KIF7: variants seen among roughly 807,000 people sequenced by gnomAD.
The protein encoded by KIF7 is kinesin-like protein KIF7.
In KIF7, 104 loss-of-function variants were observed where a neutral mutation model predicts 135.7. The ratio of observed to expected loss-of-function variants is 0.77; its 90% CI spans 0.65 to 0.90. The LOEUF is 0.90. Among genes scored for constraint, KIF7 ranks in the 40% least tolerant of loss-of-function variants. KIF7 has a pLI of 0.00. For synonymous variants in KIF7, 883 were observed against 809.4 expected (o/e 1.09, Z -1.54); for missense variants, 2,005 against 1,839.1 (o/e 1.09, Z -1.65).
chr15:89,636,018 A>G (rs1963799794), intron 11 of KIF7, among the ~76,000 whole-genome samples: 1 of 152,208 alleles, frequency 6.6e-6, no homozygotes, highest in Non-Finnish European at 1.5e-5. Context: ...AGTGGGGGTC[A>G]ATATTCAACA....
chr15:89,635,153 C>T (rs1235428175), intron 11 of KIF7, among the ~76,000 whole-genome samples: 3 of 152,002 alleles, frequency 2.0e-5, no homozygotes, highest in Non-Finnish European at 4.4e-5. Context: ...ACAGAAAGGA[C>T]ATCCACACCA....
In KIF7 at chr15:89,645,966, T is replaced by C. The variant is rs755299478; in HGVS notation, c.1849A>G (p.Ser617Gly). Residue 617 changes from serine (S) to glycine (G), a missense_variant, in exon 8 of 19, where the codon AGT (serine) becomes GGT (glycine). Coordinates refer to ENST00000394412, the MANE Select transcript of KIF7 (RefSeq NM_198525.3). ...ELLTEVNRLG[S>G]GSSAASEEEE... is the part of the protein sequence containing the mutation. ...TCCTCTGAAGCAGCTGAAGAGCCACTTCCCAGCCTGTTCACCTCAGTCAGC... is the reference window on the plus strand; with the variant it reads ...TCCTCTGAAGCAGCTGAAGAGCCACCTCCCAGCCTGTTCACCTCAGTCAGC... 49 of 1,613,922 alleles carry C rather than the reference T, an allele frequency of 3.0e-5. 2 individuals carry two copies. The South Asian group carries it at 5.4e-4, about 18-fold the overall frequency.
At chr15:89,625,865 C>T, downstream of KIF7, 1 of 1,544,018 alleles carries the variant, frequency 6.5e-7, no homozygotes, top group African/African-American at 1.4e-5. Context: ...TTGGGAGTTG[C>T]TTCTTGGGAG....
chr15:89,624,683 C>A (rs1010084931), downstream of KIF7: 8 of 1,614,006 alleles, frequency 5.0e-6, no homozygotes, highest in African/African-American at 8.0e-5. Flanking sequence ...CTGCTCATTA[C>A]AAGTGACACA....
downstream of KIF7, chr15:89,623,901 G>T: frequency 6.2e-7 from 1 of 1,613,960 alleles, no homozygotes; most frequent in Non-Finnish European, 8.5e-7. Flanking sequence ...GAACTCCTAA[G>T]AGGCAAGGTA....
downstream of KIF7, chr15:89,625,340 C>T (rs781674607): frequency 3.1e-6 from 5 of 1,613,980 alleles, no homozygotes; most frequent in East Asian, 4.5e-5. Context: ...AGTGGGAAGA[C>T]AACTCCAGAC....
downstream of KIF7, chr15:89,624,632 C>G (rs772334123): frequency 2.5e-6 from 4 of 1,613,940 alleles, no homozygotes; most frequent in African/African-American, 5.3e-5. Flanking sequence ...CGGGGCTACC[C>G]AGGCCCTGGT....
downstream of KIF7, chr15:89,626,963 T>C (rs2141988170): frequency 6.2e-7 from 1 of 1,614,054 alleles, no homozygotes; most frequent in Non-Finnish European, 8.5e-7. Flanking sequence ...TAGATGAGGA[T>C]GTGGATGTTC....
intron 16 of KIF7, chr15:89,629,947 C>T (rs1282054962): frequency 1.9e-6 from 1 of 513,604 alleles, no homozygotes. Context: ...TAGTAACATC[C>T]CTGGCCTCCA....
chr15:89,626,906 G>A (rs750644779), downstream of KIF7: 5 of 1,593,520 alleles, frequency 3.1e-6, no homozygotes, highest in East Asian at 1.1e-4. Context: ...ATTTTTTTCA[G>A]TTCGGTCCTC....
At chr15:89,656,318 G>C (rs1964206669), upstream of KIF7, among the ~76,000 whole-genome samples, 1 of 151,724 alleles carries the variant, frequency 6.6e-6, no homozygotes, top group East Asian at 1.9e-4. Context: ...TGGGCAGGTT[G>C]AGTCAGTGGC....
In KIF7 at chr15:89,648,755, C is replaced by G. The variant is rs1954001720; in HGVS notation, c.943G>C (p.Gly315Arg). 1 of 1,535,228 alleles carries G rather than the reference C, an allele frequency of 6.5e-7. No homozygotes were observed. Among genetic ancestry groups the G allele is most frequent in the South Asian group, 1.2e-5 (1 of 84,022 alleles). ...KITRILKDSL[G>R]GNAKTVMIAC... Reference sequence around the variant, plus strand: ...ATCATCACCGTCTTGGCGTTCCCGCCCAGCGAGTCTTTGAGGATCCTGAGG... The same window carrying G: ...ATCATCACCGTCTTGGCGTTCCCGCGCAGCGAGTCTTTGAGGATCCTGAGG... Residue 315 changes from glycine to arginine, a missense_variant, in exon 5 of 19, where the codon GGC becomes CGC. Coordinates refer to ENST00000394412, the MANE Select transcript of KIF7 (RefSeq NM_198525.3).
At chr15:89,658,699 C>CA (rs1373455679), upstream of KIF7, among the ~76,000 whole-genome samples, 5 of 151,244 alleles carry the variant, frequency 3.3e-5, no homozygotes, top group South Asian at 2.1e-4. Flanking sequence ...CCCATCTCTA[C>CA]AAAAAAATGC....
intron 1 of KIF7, among the ~76,000 whole-genome samples, chr15:89,619,416 G>C (rs552904705): frequency 1.3e-5 from 2 of 152,066 alleles, no homozygotes; most frequent in South Asian, 2.1e-4. Context: ...AGTAGAGACA[G>C]GGTTTCACCT....
At position 89,651,355 on chromosome 15, in the gene KIF7, C is replaced by T. The variant is rs1052945454; in HGVS notation, c.328+1248G>A. 4.6e-5 allele frequency among the ~76,000 whole-genome samples: 7 copies of T among 152,298 alleles called. No homozygotes were observed. The East Asian group carries it at 1.4e-3, about 29-fold the overall frequency. On this transcript the variant is annotated intron_variant, in intron 2 of 18. Coordinates refer to ENST00000394412, the MANE Select transcript of KIF7 (RefSeq NM_198525.3). ...CCTCATGATCTGCCCACCTCGGCCT[C>T]CCAAAGTGCTGGGATTACAGGTGTG...
At chr15:89,652,522 C>A in intron 2 of KIF7, 81 bp downstream of exon 2, 1 of 1,093,322 alleles carries the variant, frequency 9.1e-7, no homozygotes. Flanking sequence ...ACAGAACAGG[C>A]AGCAAGAGGA....
intron 11 of KIF7, among the ~76,000 whole-genome samples, chr15:89,641,671 C>T (rs1156931952): frequency 6.6e-6 from 1 of 152,084 alleles, no homozygotes; most frequent in Non-Finnish European, 1.5e-5. Flanking sequence ...CGTGGTGGCA[C>T]GTGTCTGTAA....
intron 1 of KIF7, among the ~76,000 whole-genome samples, chr15:89,622,072 T>C (rs1963436186): frequency 7.1e-6 from 1 of 141,546 alleles, no homozygotes; most frequent in Non-Finnish European, 1.5e-5. Flanking sequence ...CTGCAACCTC[T>C]GCCTCCCAGT....
downstream of KIF7, chr15:89,625,977 T>C: frequency 6.2e-7 from 1 of 1,604,680 alleles, no homozygotes; most frequent in Non-Finnish European, 8.5e-7. Context: ...GAGCTGCCTC[T>C]CTGCCAGTGC....
Sources: allele counts gnomAD v4.1 joint callset (sites outside exome capture counted in the v4.1 genomes callset), GRCh38; gene constraint gnomAD v4.1.1; transcripts MANE v1.5; gene names NCBI Gene and HGNC (gene_info 2026-07-23, HGNC 2026-07-21).